Variants in CDC14A observed in about 807,000 individuals in gnomAD.
The protein encoded by CDC14A is cell division cycle 14A, also known as dual specificity protein phosphatase CDC14A.
CDC14A carries 53 observed loss-of-function variants against 74.4 expected under a neutral mutation model. That is an observed-to-expected ratio of 0.71 (90% CI 0.57 to 0.89). The LOEUF is 0.89. Ranked by LOEUF, CDC14A falls within the 40% of genes least tolerant of loss-of-function variation. The pLI is 0.00. For synonymous variants in CDC14A, 247 were observed against 258.4 expected (o/e 0.96, Z 0.43); for missense variants, 646 against 713.7 (o/e 0.91, Z 1.08).
chr1:100,442,009 G>T (rs568576675), intron 6 of CDC14A, among the ~76,000 whole-genome samples: 1 of 152,020 alleles, frequency 6.6e-6, no homozygotes, highest in East Asian at 1.9e-4. Context: ...TTTGTATTCT[G>T]TTGTAATCTG....
intron 9 of CDC14A, among the ~76,000 whole-genome samples, chr1:100,463,489 G>A (rs1374139044): frequency 2.0e-5 from 3 of 152,178 alleles, no homozygotes; most frequent in Admixed American, 2.0e-4. Flanking sequence ...CTGATCTCTG[G>A]GGGTGGATAC....
chr1:100,373,174 T>C (rs947541004), intron 2 of CDC14A, among the ~76,000 whole-genome samples: 12 of 152,226 alleles, frequency 7.9e-5, no homozygotes, highest in African/African-American at 2.7e-4. Flanking sequence ...CTTTTGCTTT[T>C]ACTTGAACAC....
At chr1:100,419,720 A>G (rs971170819) in intron 4 of CDC14A, among the ~76,000 whole-genome samples, 13 of 152,098 alleles carry the variant, frequency 8.5e-5, no homozygotes, top group Non-Finnish European at 4.4e-5. Context: ...TTGTAACATC[A>G]GTTTTCTGGA....
chr1:100,353,094 C>T (rs1651343166), intron 1 of CDC14A, 91 bp downstream of exon 1: 4 of 1,407,174 alleles, frequency 2.8e-6, no homozygotes, highest in Non-Finnish European at 4.0e-6. Flanking sequence ...CCTGAGGCTG[C>T]CAGTGTCCTG....
In CDC14A at chr1:100,484,299, G is replaced by A. The variant is rs1266093263; in HGVS notation, c.985G>A (p.Ala329Thr). ...GTTTTGTTTTTTATACAGAAAACAA[G>A]CATCGTTGTGGGTCCAAGGAGACAT... is the stretch of plus-strand genomic sequence containing the variant. The part of the protein sequence containing the change: ...PQQHFLEEKQ[A>T]SLWVQGDIFR... Residue 329 changes from alanine to threonine, a missense_variant, in exon 11 of 16, where the codon GCA becomes ACA. Transcript: ENST00000336454. 5 of 1,549,816 alleles carry A rather than the reference G, an allele frequency of 3.2e-6. No individual in the cohort carries two copies. Among genetic ancestry groups the A allele is most frequent in the Non-Finnish European group, 4.3e-6 (5 of 1,150,768 alleles).
Position 100,496,019 on chromosome 1 carries a change from G to C in CDC14A, c.1268G>C (p.Gly423Ala), listed in dbSNP as rs776723170. ...SCAFRSDDTK[G>A]HPRAVSQPFR... ...TTCCGCAGGTCAGATGATACAAAAG[G>C]ACATCCAAGAGCAGTGTCCCAGCCT... is the stretch of plus-strand genomic sequence containing the variant. Residue 423 changes from glycine (G) to alanine (A), a missense_variant, in exon 13 of 16, where the codon GGA (glycine) becomes GCA (alanine). Gly to Ala is a moderately conservative substitution (Grantham distance 60, BLOSUM62 0). Coordinates refer to ENST00000336454, the MANE Select transcript of CDC14A (RefSeq NM_003672.4). 1 of 1,613,878 alleles carries C rather than the reference G, an allele frequency of 6.2e-7. No homozygotes were observed. The highest frequency in any genetic ancestry group is 8.5e-7 in the Non-Finnish European group (1 of 1,179,802).
intron 5 of CDC14A, among the ~76,000 whole-genome samples, chr1:100,427,896 T>C (rs1276055204): frequency 6.6e-6 from 1 of 151,902 alleles, no homozygotes; most frequent in Non-Finnish European, 1.5e-5. Flanking sequence ...AACTCTGAAA[T>C]GGGGGGGTAG....
chr1:100,463,571 CCT>C (rs1667522688), intron 9 of CDC14A, among the ~76,000 whole-genome samples: 1 of 152,060 alleles, frequency 6.6e-6, no homozygotes, highest in East Asian at 1.9e-4. Flanking sequence ...ATACAGGCTG[CCT>C]AATTAAATTT....
upstream of CDC14A, chr1:100,351,762 A>T (rs1651034330): frequency 6.4e-7 from 1 of 1,550,490 alleles, no homozygotes; most frequent in Admixed American, 2.0e-5. Flanking sequence ...ACCAGATGGG[A>T]AACTTTTTGT....
chr1:100,386,769 G>T (rs1477914774), intron 3 of CDC14A, among the ~76,000 whole-genome samples: 1 of 152,154 alleles, frequency 6.6e-6, no homozygotes, highest in African/African-American at 2.4e-5. Context: ...CAGAATCTGA[G>T]AAAACATTGA....
At chr1:100,432,104 T>G (rs1455930569) in intron 5 of CDC14A, among the ~76,000 whole-genome samples, 1 of 152,236 alleles carries the variant, frequency 6.6e-6, no homozygotes, top group Admixed American at 6.5e-5. Flanking sequence ...GTTTTTTTGT[T>G]GTTGTTGTTG....
intron 12 of CDC14A, 125 bp from the exon 13 acceptor site, chr1:100,495,877 T>C (rs1647707380): frequency 1.4e-6 from 1 of 739,044 alleles, no homozygotes; most frequent in Non-Finnish European, 2.3e-6. Flanking sequence ...AATATCCATT[T>C]GCAAGGTTTC....
intron 15 of CDC14A, among the ~76,000 whole-genome samples, chr1:100,505,274 T>G (rs889074556): frequency 6.6e-6 from 1 of 151,546 alleles, no homozygotes; most frequent in Non-Finnish European, 1.5e-5. Context: ...TTAGTAGCAT[T>G]TTTATACTCA....
At chr1:100,434,694 C>A (rs1664112757) in intron 5 of CDC14A, among the ~76,000 whole-genome samples, 1 of 151,960 alleles carries the variant, frequency 6.6e-6, no homozygotes, top group Non-Finnish European at 1.5e-5. Flanking sequence ...GAGCTTTTAC[C>A]CAGACAGGGA....
chr1:100,476,589 T>G (rs1461860637), intron 10 of CDC14A, among the ~76,000 whole-genome samples: 1 of 148,740 alleles, frequency 6.7e-6, no homozygotes, highest in African/African-American at 2.4e-5. Context: ...TCTGCCTTTT[T>G]CTTTTCTATT....
chr1:100,507,960 A>G (rs1014225807), intron 15 of CDC14A, among the ~76,000 whole-genome samples: 2 of 152,208 alleles, frequency 1.3e-5, no homozygotes, highest in Non-Finnish European at 2.9e-5. Flanking sequence ...GATTACAGGC[A>G]TAAGCCACTG....
intron 11 of CDC14A, among the ~76,000 whole-genome samples, chr1:100,487,379 C>T (rs575927897): frequency 6.6e-6 from 1 of 151,826 alleles, no homozygotes; most frequent in Non-Finnish European, 1.5e-5. Context: ...GCCAGCATAA[C>T]GAAACCCCAT....
At chr1:100,414,030 T>G (rs531862765) in intron 4 of CDC14A, among the ~76,000 whole-genome samples, 2 of 152,350 alleles carry the variant, frequency 1.3e-5, no homozygotes, top group South Asian at 4.1e-4. Context: ...TAGTTTTAAT[T>G]TTGAAAATAG....
chr1:100,517,875 A>G (rs1397776808), intron 15 of CDC14A, among the ~76,000 whole-genome samples: 3 of 152,218 alleles, frequency 2.0e-5, no homozygotes, highest in Non-Finnish European at 4.4e-5. Context: ...ATCATCTCAA[A>G]GTATATTCTA....
Sources: allele counts gnomAD v4.1 joint callset (sites outside exome capture counted in the v4.1 genomes callset), GRCh38; gene constraint gnomAD v4.1.1; transcripts MANE v1.5; gene names NCBI Gene and HGNC (gene_info 2026-07-23, HGNC 2026-07-21).